The following SLF2 variants were observed in gnomAD, a reference collection of about 807,000 sequenced individuals.
SLF2 encodes the protein SMC5/6 complex localization factor 2, also known as SMC5-SMC6 complex localization factor protein 2.
In SLF2, 68 loss-of-function variants were observed where a neutral mutation model predicts 124.3. The ratio of observed to expected loss-of-function variants is 0.55; its 90% CI spans 0.45 to 0.67. The LOEUF is 0.67. SLF2 is among the 30% of genes least tolerant of loss of function. The pLI is 0.00. For missense variants in SLF2, 1,246 were observed against 1,373.7 expected, an observed-to-expected ratio of 0.91 and a Z score of 1.47; for synonymous variants, 480 against 478.8, an observed-to-expected ratio of 1.00 and a Z score of -0.03.
At position 100,924,441 on chromosome 10, in the gene SLF2, A is replaced by G. The variant is rs1469358899; in HGVS notation, c.1440A>G (p.Pro480=). The G allele has an allele frequency of 6.2e-7, 1 of 1,614,190 alleles. No homozygotes were observed. The highest frequency in any genetic ancestry group is 2.2e-5 in the East Asian group (1 of 44,892). The change falls in exon 5 of 20, where the codon CCA becomes CCG. Residue 480 remains proline (P), a synonymous_variant. Transcript: ENST00000238961. ...ETKLPLLSRV[P]SAGSSLVPLN... is the part of the protein sequence containing the mutation. ...AACTACCTTTACTTTCCCGTGTTCCAAGTGCTGGTTCCTCTCTAGTACCAT... is the reference window on the plus strand; with the variant it reads ...AACTACCTTTACTTTCCCGTGTTCCGAGTGCTGGTTCCTCTCTAGTACCAT...
chr10:100,963,751 G>C lies in SLF2; in HGVS notation c.*1839G>C, dbSNP rs751402593. 3 of 151,378 alleles carry C rather than the reference G, an allele frequency of 2.0e-5. No homozygotes were observed. The highest frequency in any genetic ancestry group is 4.4e-5 in the Non-Finnish European group (3 of 67,814). The allele number at this position is 151,378 out of a possible 1,614,324, so 9.4% of individuals were successfully genotyped here. A position where few individuals can be genotyped will look rare whatever the true frequency, so the allele number is the denominator to read the frequency against. On this transcript the variant is annotated 3_prime_UTR_variant, in exon 20 of 20. Transcript: ENST00000238961. The stretch of plus-strand genomic sequence containing the variant: ...CAGTGTGTAAATATTTTCTAATTGT[G>C]TACATTGATGGGGGGGACAAGTGGG...
chr10:100,935,049 A>T (rs551898503), intron 9 of SLF2, among the ~76,000 whole-genome samples: 44 of 152,324 alleles, frequency 2.9e-4, no homozygotes, highest in South Asian at 2.5e-3. Flanking sequence ...TAAATGATTT[A>T]AAAAAATTTT....
Position 100,924,829 on chromosome 10 carries a change from T to C in SLF2, c.1828T>C (p.Tyr610His). The change falls in exon 5 of 20, where the codon TAC becomes CAC. Residue 610 changes from tyrosine (Y) to histidine (H), a missense_variant. Tyr to His is a moderately conservative substitution (Grantham distance 83). Around this residue, in one of 3 missense-constraint regions of SLF2, gnomAD observed 13 missense variants for 32.0 expected, o/e 0.41. Coordinates refer to ENST00000238961, the MANE Select transcript of SLF2 (RefSeq NM_018121.4). ...TGATAGTGATGAAGAAAGTTTAGGT[T>C]ACAACCTAGACAGTGATGAGGAAGA... Reference protein sequence around the residue: ...DFDSDEESLGYNLDSDEEEET... With the variant: ...DFDSDEESLGHNLDSDEEEET... 2 of 1,614,156 alleles carry C rather than the reference T, an allele frequency of 1.2e-6. No homozygotes were observed. Among genetic ancestry groups the C allele is most frequent in the Non-Finnish European group, 1.7e-6 (2 of 1,180,026 alleles).
At chr10:100,945,302 T>A (rs1850082520) in intron 12 of SLF2, 28 bp from the exon 13 acceptor site, 1 of 1,459,902 alleles carries the variant, frequency 6.8e-7, no homozygotes, top group Non-Finnish European at 8.9e-7. Context: ...TCCTAAAATA[T>A]TTTTGTCTGT....
At chr10:100,916,334 G>T (rs1362102731) in intron 2 of SLF2, among the ~76,000 whole-genome samples, 1 of 151,958 alleles carries the variant, frequency 6.6e-6, no homozygotes, top group African/African-American at 2.4e-5. Flanking sequence ...CCATAGGGAG[G>T]TTATATGATG....
chr10:100,952,118 C>T (rs1278715661), intron 17 of SLF2, among the ~76,000 whole-genome samples: 1 of 151,558 alleles, frequency 6.6e-6, no homozygotes, highest in Non-Finnish European at 1.5e-5. Flanking sequence ...TTGGTGCGTG[C>T]ATGTAATCCC....
intron 3 of SLF2, among the ~76,000 whole-genome samples, chr10:100,917,581 C>T (rs572908888): frequency 7.3e-4 from 111 of 151,986 alleles, no homozygotes; most frequent in Admixed American, 4.1e-3. Flanking sequence ...CAAGTATAGT[C>T]TTACTTATTT....
At chr10:100,953,461 T>TAA (rs761648681) in intron 17 of SLF2, among the ~76,000 whole-genome samples, 1 of 143,224 alleles carries the variant, frequency 7.0e-6, no homozygotes. Flanking sequence ...CATCTCTGTT[T>TAA]AAAAAAAAAA....
intron 18 of SLF2, 42 bp downstream of exon 18, chr10:100,956,579 CTTGGTTACGTTAATAT>C (rs778207888): frequency 7.2e-7 from 1 of 1,396,882 alleles, no homozygotes; most frequent in African/African-American, 1.5e-5. Context: ...TTTTCTTAAT[CTTGGTTACGTTAATAT>C]TTAAGGATAG....
chr10:100,957,920 G>C (rs552434412), intron 18 of SLF2, among the ~76,000 whole-genome samples: 2 of 152,138 alleles, frequency 1.3e-5, no homozygotes, highest in East Asian at 3.9e-4. Flanking sequence ...GTGGTGGTGC[G>C]TGCCTGTAGT....
At chr10:100,931,159 A>C in intron 9 of SLF2, 81 bp downstream of exon 9, 1 of 1,103,972 alleles carries the variant, frequency 9.1e-7, no homozygotes, top group Admixed American at 2.3e-5. Context: ...TTTTATTTGC[A>C]CATTACTGCA....
chr10:100,958,991 T>C (rs182018296), intron 18 of SLF2, among the ~76,000 whole-genome samples: 1 of 152,192 alleles, frequency 6.6e-6, no homozygotes, highest in East Asian at 1.9e-4. Flanking sequence ...GAGGGACAAA[T>C]AAACGTTTTT....
In SLF2 at chr10:100,913,256, G is replaced by T; in HGVS notation, c.140+6G>T. 6.3e-7 allele frequency: 1 copy of T among 1,589,138 alleles called. No individual in the cohort carries two copies. The highest frequency in any genetic ancestry group is 8.6e-7 in the Non-Finnish European group (1 of 1,167,420). Reference sequence around the variant, plus strand: ...ACAGAGAGTCCTGGGGACAGGTACCGTGCAGAGGGCTTGAGAAGGGGCCGG... The same window carrying T: ...ACAGAGAGTCCTGGGGACAGGTACCTTGCAGAGGGCTTGAGAAGGGGCCGG... On this transcript the variant is annotated splice_donor_region_variant and intron_variant, in intron 1 of 19. Transcript: ENST00000238961.
Position 100,945,506 on chromosome 10 carries a change from G to A in SLF2, c.2934G>A (p.Lys978=). The part of the protein sequence containing the change: ...LMKNIRDWNT[K]VPELCLGINE... ...AAAACATCAGAGATTGGAACACAAA[G>A]GTAATGTTACTTAAAACTTCATTAT... Residue 978 remains lysine (K), a splice_region_variant and synonymous_variant, in exon 13 of 20, where the codon AAG becomes AAA. Coordinates refer to ENST00000238961, the MANE Select transcript of SLF2 (RefSeq NM_018121.4). 6.5e-7 allele frequency: 1 copy of A among 1,540,706 alleles called. No individual in the cohort carries two copies. The highest frequency in any genetic ancestry group is 8.7e-7 in the Non-Finnish European group (1 of 1,155,880).
Position 100,950,144 on chromosome 10 carries a change from GA to G in SLF2, c.3194del (p.Lys1065ArgfsTer15). ...ATTTGTTAAAGAAAATGGTCTTGAA[GA>G]AAAAGGCTGAACAACCAGATGGCAT... ...SDLLKKMVLKKKAEQPDGIID... is the reference protein window; with the variant it reads ...SDLLKKMVLKXKAEQPDGIID... On this transcript the variant is annotated frameshift_variant, in exon 16 of 20. Transcript: ENST00000238961. LOFTEE classifies it high-confidence loss of function. 6.2e-7 allele frequency: 1 copy of G among 1,613,822 alleles called. No homozygotes were observed. The highest frequency in any genetic ancestry group is 1.1e-5 in the South Asian group (1 of 91,042).
chr10:100,918,215 A>C (rs1291483147), intron 3 of SLF2, among the ~76,000 whole-genome samples, 169 bp from the exon 4 acceptor site: 1 of 152,234 alleles, frequency 6.6e-6, no homozygotes, highest in Non-Finnish European at 1.5e-5. Flanking sequence ...TTTTTATGAC[A>C]AAAACCTTAA....
intron 5 of SLF2, 42 bp from the exon 6 acceptor site, chr10:100,925,907 C>T: frequency 2.0e-6 from 3 of 1,522,978 alleles, no homozygotes; most frequent in South Asian, 1.3e-5. Context: ...AGTTCTTCTA[C>T]TAAGACATGT....
At chr10:100,921,740 TTC>T (rs1387055244) in intron 4 of SLF2, among the ~76,000 whole-genome samples, 1 of 152,234 alleles carries the variant, frequency 6.6e-6, no homozygotes, top group African/African-American at 2.4e-5. Flanking sequence ...ATTATCTGAC[TTC>T]TCTAGAAAAA....
At chr10:100,956,316 T>G (rs1476230028) in intron 17 of SLF2, 135 bp from the exon 18 acceptor site, 3 of 624,390 alleles carry the variant, frequency 4.8e-6, no homozygotes, top group Non-Finnish European at 8.3e-6. Flanking sequence ...TACTGTTACG[T>G]TGAATAGTTA....
Sources: gnomAD v4.1 joint callset for allele counts (sites outside exome capture counted in the v4.1 genomes callset) on GRCh38, gnomAD v4.1.1 for gene constraint, gnomAD v4.1.1 regional missense constraint, MANE v1.5 for transcripts, NCBI Gene and HGNC (gene_info 2026-07-23, HGNC 2026-07-21) for gene names.